The following FAM169A variants were observed in gnomAD, a reference collection of about 807,000 sequenced individuals.
The protein encoded by FAM169A is family with sequence similarity 169 member A.
FAM169A carries 24 observed loss-of-function variants against 75.7 expected under a neutral mutation model. The ratio of observed to expected loss-of-function variants is 0.32; its 90% confidence interval spans 0.23 to 0.45. FAM169A has a LOEUF of 0.45. FAM169A is among the 20% of genes least tolerant of loss of function. The probability of loss-of-function intolerance (pLI) is 1.00; values close to 1 mark genes in which losing one functional copy is unlikely to be tolerated. For missense variants in FAM169A, 673 were observed against 784.0 expected (o/e 0.86, Z 1.69); for synonymous variants, 271 against 271.0 (o/e 1.00, Z 0.00).
chr5:74,783,265 G>T, intron 11 of FAM169A, 131 bp from the exon 12 acceptor site: 1 of 632,272 alleles, frequency 1.6e-6, no homozygotes, highest in Non-Finnish European at 2.8e-6. Flanking sequence ...TAGGACATGG[G>T]TTAAAGAACA....
At chr5:74,792,975 T>A (rs952457663) in intron 11 of FAM169A, among the ~76,000 whole-genome samples, 1 of 152,130 alleles carries the variant, frequency 6.6e-6, no homozygotes, top group Non-Finnish European at 1.5e-5. Context: ...AATTTGCAAC[T>A]GCAAAAAATA....
At chr5:74,812,338 G>A (rs2112570600) in intron 6 of FAM169A, among the ~76,000 whole-genome samples, 1 of 152,090 alleles carries the variant, frequency 6.6e-6, no homozygotes, top group East Asian at 1.9e-4. Flanking sequence ...TGTTGTCCAG[G>A]CTGGTCTCGA....
chr5:74,865,405 C>G (rs1750267213), intron 1 of FAM169A: 2 of 152,130 alleles, frequency 1.3e-5, no homozygotes, highest in Admixed American at 1.3e-4. Flanking sequence ...TCGAATCCAC[C>G]CGATACGATA....
At chr5:74,816,684 G>A (rs556384442) in intron 5 of FAM169A, among the ~76,000 whole-genome samples, 2 of 152,288 alleles carry the variant, frequency 1.3e-5, no homozygotes, top group South Asian at 4.1e-4. Flanking sequence ...ACCAAAAGCT[G>A]TGGATTTACC....
At chr5:74,847,130 T>C (rs2112696947) in intron 1 of FAM169A, among the ~76,000 whole-genome samples, 1 of 152,312 alleles carries the variant, frequency 6.6e-6, no homozygotes, top group East Asian at 1.9e-4. Context: ...TCCCCTTTTA[T>C]AATTGTGGTA....
At chr5:74,820,519 C>G in intron 5 of FAM169A, among the ~76,000 whole-genome samples, 1 of 152,098 alleles carries the variant, frequency 6.6e-6, no homozygotes, top group East Asian at 1.9e-4. Context: ...TCTTCCTTCA[C>G]AGCCCACGTA....
At chr5:74,839,199 G>C in intron 3 of FAM169A, 149 bp from the exon 4 acceptor site, 1 of 610,914 alleles carries the variant, frequency 1.6e-6, no homozygotes, top group Non-Finnish European at 2.8e-6. Context: ...GTACTTTGTA[G>C]CCTCATTTAT....
intron 5 of FAM169A, among the ~76,000 whole-genome samples, chr5:74,828,066 A>G (rs150606990): frequency 1.5e-4 from 23 of 152,266 alleles, no homozygotes; most frequent in African/African-American, 5.3e-4. Flanking sequence ...TTTTATTTTT[A>G]TAGATATAAG....
intron 11 of FAM169A, among the ~76,000 whole-genome samples, chr5:74,787,162 G>A (rs1745737572): frequency 6.6e-6 from 1 of 152,218 alleles, no homozygotes; most frequent in Admixed American, 6.5e-5. Context: ...CTGGAGAACA[G>A]GTGTGGGAAC....
chr5:74,814,962 C>T (rs1441409860), intron 5 of FAM169A, among the ~76,000 whole-genome samples: 1 of 152,062 alleles, frequency 6.6e-6, no homozygotes, highest in African/African-American at 2.4e-5. Flanking sequence ...GTAGTTCAAA[C>T]AAGAAACAAA....
chr5:74,823,571 T>C (rs949798591), intron 5 of FAM169A, among the ~76,000 whole-genome samples: 2 of 152,194 alleles, frequency 1.3e-5, no homozygotes, highest in East Asian at 1.9e-4. Flanking sequence ...AGATTTTTGG[T>C]GCTTTGAGAA....
Position 74,841,668 on chromosome 5 carries a change from G to A in FAM169A, c.9C>T (p.Phe3=). 6.2e-7 allele frequency: 1 copy of A among 1,612,126 alleles called. No homozygotes were observed. The highest frequency in any genetic ancestry group is 8.5e-7 in the Non-Finnish European group (1 of 1,178,800). The stretch of plus-strand genomic sequence containing the variant: ...TGCAATTTTCCAGCATATCCACAGG[G>A]AATGCCATCCTCTTTAACAAACAAC... MA[F]PVDMLENCSH... Residue 3 remains phenylalanine (F), a synonymous_variant, in exon 2 of 13, where the codon TTC becomes TTT. Coordinates refer to ENST00000687041, the MANE Select transcript of FAM169A (RefSeq NM_001376049.1).
At chr5:74,789,197 A>T (rs1431575096) in intron 11 of FAM169A, among the ~76,000 whole-genome samples, 1 of 152,226 alleles carries the variant, frequency 6.6e-6, no homozygotes, top group Non-Finnish European at 1.5e-5. Flanking sequence ...AACATTGATG[A>T]CATTATGCTG....
intron 5 of FAM169A, among the ~76,000 whole-genome samples, chr5:74,832,231 A>T (rs1748347598): frequency 6.6e-6 from 1 of 152,078 alleles, no homozygotes; most frequent in African/African-American, 2.4e-5. Context: ...ACATTAAAAT[A>T]ACAGTAGAAA....
At position 74,781,107 on chromosome 5, in the gene FAM169A, T is replaced by C. The variant is rs148741124; in HGVS notation, c.*353A>G. ...AAACCCTTAGTATAAAAGATTTCTG[T>C]GATCCTTATAAGTAATGGAAATCCT... On this transcript the variant is annotated 3_prime_UTR_variant, in exon 13 of 13. Coordinates refer to ENST00000687041, the MANE Select transcript of FAM169A (RefSeq NM_001376049.1). The C allele has an allele frequency of 2.1e-3, 388 of 186,640 alleles. 11 individuals are homozygous for C. In the East Asian group the frequency reaches 0.046, roughly 22 times the overall value. 11.6% of individuals were successfully genotyped at this position (186,640 alleles called of 1,614,324 possible).
At position 74,779,589 on chromosome 5, in the gene FAM169A, A is replaced by G. The variant is rs1036875315; in HGVS notation, c.*1871T>C. 3.9e-5 allele frequency: 6 copies of G among 152,112 alleles called. No individual in the cohort carries two copies. Among genetic ancestry groups the G allele is most frequent in the Non-Finnish European group, 7.4e-5 (5 of 67,996 alleles). The allele number at this position is 152,112 out of a possible 1,614,324, so 9.4% of individuals were successfully genotyped here. ...CTCATAAAATGTATAAAACAGCATA[A>G]ATGTTTGGTAGATTCACTAATAGTA... On this transcript the variant is annotated 3_prime_UTR_variant, in exon 13 of 13. Coordinates refer to ENST00000687041, the MANE Select transcript of FAM169A (RefSeq NM_001376049.1).
At chr5:74,835,257 C>A (rs887134495) in intron 4 of FAM169A, among the ~76,000 whole-genome samples, 1 of 152,068 alleles carries the variant, frequency 6.6e-6, no homozygotes, top group African/African-American at 2.4e-5. Context: ...GCTACATGGT[C>A]ACAGGGACCG....
At chr5:74,794,252 G>A (rs1483392265) in intron 11 of FAM169A, among the ~76,000 whole-genome samples, 5 of 148,822 alleles carry the variant, frequency 3.4e-5, no homozygotes, top group Non-Finnish European at 7.4e-5. Flanking sequence ...AAATTAGCGG[G>A]GCATGGTGGC....
At chr5:74,810,204 G>A (rs1747102766) in intron 6 of FAM169A, among the ~76,000 whole-genome samples, 1 of 152,154 alleles carries the variant, frequency 6.6e-6, no homozygotes, top group Non-Finnish European at 1.5e-5. Flanking sequence ...TAAGATGCCA[G>A]ACATAGAAGT....
Sources: gnomAD v4.1 joint callset for allele counts (sites outside exome capture counted in the v4.1 genomes callset) on GRCh38, gnomAD v4.1.1 for gene constraint, MANE v1.5 for transcripts, NCBI Gene and HGNC (gene_info 2026-07-23, HGNC 2026-07-21) for gene names.